The following THOC2 variants were observed in gnomAD, a reference collection of about 807,000 sequenced individuals.
THOC2 encodes the protein THO complex subunit 2.
THOC2 carries 10 observed loss-of-function variants against 128.4 expected under a neutral mutation model. That is an observed-to-expected ratio of 0.08 (90% CI 0.05 to 0.13). THOC2 has a LOEUF of 0.13. THOC2 is among the 10% of genes least tolerant of loss of function. The pLI is 1.00. For synonymous variants in THOC2, 393 were observed against 396.9 expected (o/e 0.99, Z 0.12); for missense variants, 535 against 1,155.7 (o/e 0.46, Z 7.79).
intron 7 of THOC2, among the ~76,000 whole-genome samples, chrX:123,687,615 TCCCAAC>T (rs1053928496): frequency 8.9e-6 from 1 of 111,962 alleles, no homozygotes; most frequent in Non-Finnish European, 1.9e-5. Flanking sequence ...AGGTTGTATG[TCCCAAC>T]CCTTTGGTAA....
intron 30 of THOC2, among the ~76,000 whole-genome samples, chrX:123,622,028 G>C (rs1005449547): frequency 1.8e-5 from 2 of 112,059 alleles, no homozygotes; most frequent in African/African-American, 6.5e-5. Flanking sequence ...CTGGGTGACA[G>C]AGCAAGACTC....
intron 4 of THOC2, among the ~76,000 whole-genome samples, chrX:123,699,593 CT>C (rs2050606810): frequency 9.0e-6 from 1 of 110,728 alleles, no homozygotes; most frequent in Non-Finnish European, 1.9e-5. Flanking sequence ...TGGGCCCATT[CT>C]TTTACCCAAC....
chrX:123,616,885 G>T (rs2046914253), intron 33 of THOC2, among the ~76,000 whole-genome samples: 2 of 110,325 alleles, frequency 1.8e-5, no homozygotes, highest in Non-Finnish European at 3.8e-5. Context: ...CCACAAATTA[G>T]AAAGTAAAAA....
At chrX:123,662,091 T>C (rs1410831251) in intron 12 of THOC2, among the ~76,000 whole-genome samples, 3 of 112,609 alleles carry the variant, frequency 2.7e-5, no homozygotes, top group Non-Finnish European at 5.6e-5. Flanking sequence ...AGTATTTCTA[T>C]ACAGTTGCTG....
rs1177667894 is a variant in THOC2, at chrX:123,659,569, CA to C, written c.1386+6072del. On this transcript the variant is annotated intron_variant, in intron 12 of 38. Transcript: ENST00000245838. The stretch of plus-strand genomic sequence containing the variant: ...CTGGCAACAGAGCGAGACTACGTCT[CA>C]AAAAAAAACAAAAACAAAAACAAGT... Among the ~76,000 whole-genome samples the C allele has an allele frequency of 7.5e-5, 8 of 107,068 alleles. No individual in the cohort carries two copies. The South Asian group carries it at 2.4e-3, about 33-fold the overall frequency. The allele number at this position is 107,068 out of a possible 115,157, so 93.0% of individuals were successfully genotyped here.
intron 1 of THOC2, among the ~76,000 whole-genome samples, chrX:123,718,260 C>T (rs969361699): frequency 8.9e-6 from 1 of 111,869 alleles, no homozygotes; most frequent in African/African-American, 3.2e-5. Context: ...TGAAACTGGA[C>T]ACTTACTTCA....
intron 12 of THOC2, 150 bp from the exon 13 acceptor site, chrX:123,645,525 T>A (rs1692644001): frequency 5.8e-6 from 2 of 345,772 alleles, no homozygotes; most frequent in Non-Finnish European, 9.8e-6. Flanking sequence ...TATAGCCTGT[T>A]AACCTTTTTA....
chrX:123,686,039 A>G lies in THOC2; in HGVS notation c.768+509T>C, dbSNP rs1469839066. On this transcript the variant is annotated intron_variant, in intron 8 of 38. Coordinates refer to ENST00000245838, the MANE Select transcript of THOC2 (RefSeq NM_001081550.2). ...ATCTCAAAATAAAAAATAAATAAAT[A>G]AAAATAAGATTCTAACTCTTAACAC... Among the ~76,000 whole-genome samples, 7 of 111,654 alleles carry G rather than the reference A, an allele frequency of 6.3e-5. No homozygotes were observed. In the East Asian group the frequency reaches 2.0e-3, roughly 31 times the overall value.
At chrX:123,604,914 C>T (rs2046411940) in intron 38 of THOC2, among the ~76,000 whole-genome samples, 2 of 112,040 alleles carry the variant, frequency 1.8e-5, no homozygotes. Context: ...GTTCTTTTCA[C>T]ATAAACCCCA....
chrX:123,716,224 C>G (rs768644141), intron 1 of THOC2, among the ~76,000 whole-genome samples: 31 of 112,894 alleles, frequency 2.7e-4, no homozygotes, highest in Non-Finnish European at 5.4e-4. Flanking sequence ...ACTTGATCAT[C>G]TCATTAGATG....
At chrX:123,646,116 A>G (rs2048119227) in intron 12 of THOC2, among the ~76,000 whole-genome samples, 1 of 112,368 alleles carries the variant, frequency 8.9e-6, no homozygotes, top group Admixed American at 9.5e-5. Context: ...ATTTAAATCT[A>G]TCTTTTAATT....
At chrX:123,656,247 C>G (rs777072735) in intron 12 of THOC2, among the ~76,000 whole-genome samples, 1 of 104,969 alleles carries the variant, frequency 9.5e-6, no homozygotes, top group Admixed American at 1.0e-4. Context: ...AGCTTGAACC[C>G]GTGAACCCGG....
At chrX:123,607,223 A>C (rs1384095246) in intron 38 of THOC2, among the ~76,000 whole-genome samples, 1 of 111,060 alleles carries the variant, frequency 9.0e-6, no homozygotes, top group Non-Finnish European at 1.9e-5. Context: ...GAAGACGAGA[A>C]AAGATGACAG....
At chrX:123,666,980 G>A in intron 11 of THOC2, 126 bp downstream of exon 11, 4 of 479,651 alleles carry the variant, frequency 8.3e-6, no homozygotes, top group Non-Finnish European at 1.4e-5. Context: ...TCTGTGAATA[G>A]TTCTTATCTT....
At position 123,703,890 on chromosome X, in the gene THOC2, T is replaced by TAAAAAAAAAAAAAAAAAAAA. The variant is rs774877149; in HGVS notation, c.223-405_223-386dup. On this transcript the variant is annotated intron_variant, in intron 3 of 38. Transcript: ENST00000245838. ...TGGGCAACAGAGGAAACTCTGTCTT[T>TAAAAAAAAAAAAAAAAAAAA]AAAAAAAAAAAAAAAAAAAAAAATT... Among the ~76,000 whole-genome samples, 3 of 37,029 alleles carry TAAAAAAAAAAAAAAAAAAAA rather than the reference T, an allele frequency of 8.1e-5. 1 individual carries two copies. Among genetic ancestry groups the TAAAAAAAAAAAAAAAAAAAA allele is most frequent in the African/African-American group, 1.5e-4 (1 of 6,501 alleles). The allele number at this position is 37,029 out of a possible 115,157, so 32.2% of individuals were successfully genotyped here. A position where few individuals can be genotyped will look rare whatever the true frequency, so the allele number is the denominator to read the frequency against.
At chrX:123,732,861 CT>C in intron 1 of THOC2, 90 bp downstream of exon 1, 2 of 980,009 alleles carry the variant, frequency 2.0e-6, no homozygotes, top group Non-Finnish European at 2.9e-6. Flanking sequence ...GGGGGTACAT[CT>C]TTCCCCCTCA....
intron 38 of THOC2, among the ~76,000 whole-genome samples, chrX:123,604,999 G>A (rs913929523): frequency 2.7e-5 from 3 of 112,273 alleles, no homozygotes; most frequent in Non-Finnish European, 5.6e-5. Flanking sequence ...AAGAAGTTAT[G>A]AGAAAGACAT....
chrX:123,714,575 A>G (rs1003180639), intron 1 of THOC2, among the ~76,000 whole-genome samples: 2 of 111,830 alleles, frequency 1.8e-5, no homozygotes, highest in African/African-American at 3.3e-5. Flanking sequence ...TACCCAGACA[A>G]AAGATCAGTA....
chrX:123,674,548 T>C (rs2049407047), intron 8 of THOC2, among the ~76,000 whole-genome samples: 1 of 111,724 alleles, frequency 9.0e-6, no homozygotes, highest in Non-Finnish European at 1.9e-5. Flanking sequence ...GTGGGTTTAA[T>C]CCATTTACAT....
Sources: gnomAD v4.1 joint callset for allele counts (sites outside exome capture counted in the v4.1 genomes callset) on GRCh38, gnomAD v4.1.1 for gene constraint, MANE v1.5 for transcripts, NCBI Gene and HGNC (gene_info 2026-07-23, HGNC 2026-07-21) for gene names.